The following PUM1 variants were observed in gnomAD, a reference collection of about 807,000 sequenced individuals.
PUM1 encodes the protein pumilio RNA binding family member 1.
Under a neutral mutation model 131.8 loss-of-function variants are expected in PUM1, and 13 were observed. The ratio of observed to expected loss-of-function variants is 0.10; its 90% CI spans 0.06 to 0.16. PUM1 has a LOEUF of 0.16. Among genes scored for constraint, PUM1 ranks in the 10% least tolerant of loss-of-function variants. PUM1 has a pLI of 1.00. For missense variants in PUM1, 961 were observed against 1,512.4 expected (o/e 0.64, Z 6.05); for synonymous variants, 509 against 556.5 (o/e 0.91, Z 1.20).
intron 5 of PUM1, among the ~76,000 whole-genome samples, chr1:30,997,136 C>T (rs1173366954): frequency 1.3e-5 from 2 of 152,208 alleles, no homozygotes; most frequent in African/African-American, 4.8e-5. Flanking sequence ...TCATCTTCCG[C>T]AGTCTACAAA....
At chr1:30,959,711 T>A (rs770524100) in intron 14 of PUM1, among the ~76,000 whole-genome samples, 4 of 151,828 alleles carry the variant, frequency 2.6e-5, no homozygotes, top group Non-Finnish European at 5.9e-5. Flanking sequence ...ATCGAGACCA[T>A]CCTGGCTGAC....
intron 3 of PUM1, among the ~76,000 whole-genome samples, chr1:31,013,378 T>G (rs1217470973): frequency 1.3e-5 from 2 of 152,196 alleles, no homozygotes; most frequent in African/African-American, 4.8e-5. Context: ...AATAAAATAT[T>G]AGGTAACTGC....
intron 3 of PUM1, among the ~76,000 whole-genome samples, chr1:31,008,790 G>A (rs764561657): frequency 1.8e-4 from 28 of 152,010 alleles, no homozygotes; most frequent in Non-Finnish European, 3.4e-4. Flanking sequence ...GGTCACAGAG[G>A]GGATACTGAA....
At chr1:30,992,798 T>C in intron 6 of PUM1, 138 bp from the exon 7 acceptor site, 1 of 749,506 alleles carries the variant, frequency 1.3e-6, no homozygotes, top group Admixed American at 2.9e-5. Context: ...TAACCAGAGA[T>C]ACTTTACAGG....
intron 3 of PUM1, among the ~76,000 whole-genome samples, chr1:31,008,102 A>C (rs1642460080): frequency 6.6e-6 from 1 of 152,210 alleles, no homozygotes; most frequent in South Asian, 2.1e-4. Flanking sequence ...TCTCAGAAGA[A>C]CACAATAAAA....
At chr1:31,044,737 G>A (rs1387245768) in intron 2 of PUM1, among the ~76,000 whole-genome samples, 1 of 152,164 alleles carries the variant, frequency 6.6e-6, no homozygotes, top group Non-Finnish European at 1.5e-5. Flanking sequence ...GAGTGCAATT[G>A]CATGATGTCG....
intron 2 of PUM1, among the ~76,000 whole-genome samples, chr1:31,042,251 A>G (rs1643841757): frequency 6.6e-6 from 1 of 152,050 alleles, no homozygotes; most frequent in Non-Finnish European, 1.5e-5. Context: ...GGTTGCAGTG[A>G]GCCGAGATTG....
At chr1:31,016,034 C>T (rs1332536813) in intron 3 of PUM1, among the ~76,000 whole-genome samples, 1 of 152,152 alleles carries the variant, frequency 6.6e-6, no homozygotes, top group African/African-American at 2.4e-5. Flanking sequence ...AGCTCATGTC[C>T]TAAATTTCAA....
intron 2 of PUM1, among the ~76,000 whole-genome samples, chr1:31,051,974 A>C (rs1401491407): frequency 6.6e-6 from 1 of 152,176 alleles, no homozygotes; most frequent in African/African-American, 2.4e-5. Context: ...TCAGGAAAGA[A>C]AAAAATCTAA....
chr1:31,012,054 G>A (rs1642638939), intron 3 of PUM1, among the ~76,000 whole-genome samples: 1 of 152,150 alleles, frequency 6.6e-6, no homozygotes, highest in African/African-American at 2.4e-5. Context: ...TTAGATAGTA[G>A]CTTAATTACA....
At chr1:30,998,157 AC>A (rs1642053044) in intron 5 of PUM1, among the ~76,000 whole-genome samples, 1 of 152,214 alleles carries the variant, frequency 6.6e-6, no homozygotes, top group Non-Finnish European at 1.5e-5. Context: ...GAAATTCAAG[AC>A]GAACATTTAT....
rs1433054610 is a variant in PUM1 at position 31,019,990 on chromosome 1, C to T, written c.432+8806G>A. Among the ~76,000 whole-genome samples the T allele has an allele frequency of 2.6e-5, 4 of 151,908 alleles. No individual in the cohort carries two copies. In the East Asian group the frequency reaches 5.8e-4, roughly 22 times the overall value. On this transcript the variant is annotated intron_variant, in intron 3 of 21. Transcript: ENST00000426105. ...ATATTGTGTGATGCTGAGATTTGGG[C>T]TTCAACTGAACCTGTCACCCAAATA...
At chr1:31,055,870 G>C (rs1644223616) in intron 2 of PUM1, among the ~76,000 whole-genome samples, 1 of 152,152 alleles carries the variant, frequency 6.6e-6, no homozygotes, top group African/African-American at 2.4e-5. Context: ...CAGGCACCTT[G>C]ACTCTCCTTT....
intron 14 of PUM1, among the ~76,000 whole-genome samples, chr1:30,962,753 G>A (rs1415286360): frequency 2.6e-5 from 4 of 152,072 alleles, no homozygotes; most frequent in Non-Finnish European, 2.9e-5. Flanking sequence ...AGATAGCTAC[G>A]TATTCACTCA....
At chr1:31,034,672 G>T (rs1173574820) in intron 2 of PUM1, among the ~76,000 whole-genome samples, 1 of 152,158 alleles carries the variant, frequency 6.6e-6, no homozygotes, top group African/African-American at 2.4e-5. Context: ...AGAGTCCTTA[G>T]TGTTCTTTCA....
intron 1 of PUM1, among the ~76,000 whole-genome samples, chr1:31,060,830 G>A (rs906479670): frequency 6.6e-6 from 1 of 151,302 alleles, no homozygotes; most frequent in African/African-American, 2.4e-5. Context: ...AGGTTGCAGT[G>A]AGCCAAGATC....
At chr1:31,019,848 T>C (rs980521338) in intron 3 of PUM1, among the ~76,000 whole-genome samples, 9 of 152,330 alleles carry the variant, frequency 5.9e-5, no homozygotes, top group Middle Eastern at 6.8e-3. Context: ...GGATGTTATG[T>C]TATCTACAGG....
intron 10 of PUM1, among the ~76,000 whole-genome samples, chr1:30,971,960 T>C (rs1054970386): frequency 1.3e-5 from 2 of 151,892 alleles, no homozygotes; most frequent in African/African-American, 2.4e-5. Flanking sequence ...AGAGCAGTTA[T>C]TAAGAAATTT....
At chr1:31,038,763 T>C (rs1643699467) in intron 2 of PUM1, among the ~76,000 whole-genome samples, 1 of 151,756 alleles carries the variant, frequency 6.6e-6, no homozygotes, top group Admixed American at 6.6e-5. Context: ...TTAATATTCA[T>C]GCCCTTTGAT....
Sources: allele counts gnomAD v4.1 joint callset (sites outside exome capture counted in the v4.1 genomes callset), GRCh38; gene constraint gnomAD v4.1.1; transcripts MANE v1.5; gene names NCBI Gene and HGNC (gene_info 2026-07-23, HGNC 2026-07-21).